MAGI1: variants seen among roughly 807,000 people sequenced by gnomAD.
MAGI1 encodes membrane-associated guanylate kinase, WW and PDZ domain-containing protein 1.
Under a neutral mutation model 139.9 loss-of-function variants are expected in MAGI1, and 58 were observed. That is an observed-to-expected ratio of 0.41 (90% CI 0.34 to 0.52). The LOEUF is 0.52. MAGI1 is among the 20% of genes least tolerant of loss of function. The pLI is 0.12. For synonymous variants in MAGI1, 812 were observed against 737.9 expected, an observed-to-expected ratio of 1.10 and a Z score of -1.63; for missense variants, 1,874 against 1,901.6, an observed-to-expected ratio of 0.99 and a Z score of 0.27.
At chr3:65,619,893 T>G in intron 2 of MAGI1, 2 of 985,260 alleles carry the variant, frequency 2.0e-6, no homozygotes, top group Non-Finnish European at 2.4e-6. Context: ...GCTTTCCAAA[T>G]TCCTGATTTA....
intron 12 of MAGI1, chr3:65,401,821 A>G: frequency 7.7e-7 from 1 of 1,295,336 alleles, no homozygotes; most frequent in Non-Finnish European, 9.9e-7. Flanking sequence ...CTTACAATTA[A>G]GTCCAGGTTA....
chr3:65,689,791 TTAAC>T (rs1272037881), intron 1 of MAGI1, among the ~76,000 whole-genome samples: 1 of 152,254 alleles, frequency 6.6e-6, no homozygotes, highest in Admixed American at 6.5e-5. Context: ...TAGCTGCAAC[TTAAC>T]TAACTAGAAG....
intron 1 of MAGI1, among the ~76,000 whole-genome samples, chr3:65,889,069 T>C (rs1290179270): frequency 6.6e-6 from 1 of 152,180 alleles, no homozygotes; most frequent in Non-Finnish European, 1.5e-5. Flanking sequence ...CATAGCAGTT[T>C]TCCAAAACCA....
intron 1 of MAGI1, among the ~76,000 whole-genome samples, chr3:65,817,192 G>A (rs1358676828): frequency 6.6e-6 from 1 of 152,094 alleles, no homozygotes; most frequent in Non-Finnish European, 1.5e-5. Context: ...TAATTCTGAA[G>A]ATGTGCATAT....
chr3:65,888,667 AT>A (rs879409773), intron 1 of MAGI1, among the ~76,000 whole-genome samples: 1 of 152,094 alleles, frequency 6.6e-6, no homozygotes, highest in Non-Finnish European at 1.5e-5. Flanking sequence ...AATCTTTAAG[AT>A]TTTTTTTAAA....
At chr3:65,440,033 T>C in intron 8 of MAGI1, 21 bp from the exon 9 acceptor site, 2 of 1,613,734 alleles carry the variant, frequency 1.2e-6, no homozygotes, top group South Asian at 1.1e-5. Context: ...TAGCAAATAG[T>C]ATTCAGCTTG....
intron 5 of MAGI1, chr3:65,469,856 G>A (rs1950440787): frequency 6.7e-6 from 1 of 148,248 alleles, no homozygotes; most frequent in South Asian, 2.1e-4. Flanking sequence ...AAACAATAAG[G>A]ACACTGTAGT....
At chr3:65,977,423 A>G (rs1159461205) in intron 1 of MAGI1, among the ~76,000 whole-genome samples, 2 of 152,028 alleles carry the variant, frequency 1.3e-5, no homozygotes, top group Non-Finnish European at 2.9e-5. Context: ...AATAAAATCA[A>G]AACTCGGCCG....
intron 1 of MAGI1, among the ~76,000 whole-genome samples, chr3:65,946,030 CTAATT>C (rs2063531246): frequency 6.6e-6 from 1 of 152,160 alleles, no homozygotes; most frequent in African/African-American, 2.4e-5. Flanking sequence ...TTCCTGCTCT[CTAATT>C]TATGTTTTAC....
At chr3:65,819,239 G>A (rs1161233187) in intron 1 of MAGI1, among the ~76,000 whole-genome samples, 8 of 152,120 alleles carry the variant, frequency 5.3e-5, no homozygotes, top group African/African-American at 9.7e-5. Flanking sequence ...AGCCAAGATC[G>A]TGCCACTGCA....
At chr3:65,784,335 T>C (rs372740486) in intron 1 of MAGI1, among the ~76,000 whole-genome samples, 5 of 152,080 alleles carry the variant, frequency 3.3e-5, no homozygotes, top group African/African-American at 1.2e-4. Flanking sequence ...ACACAGAAAC[T>C]AGTACGTGGA....
At chr3:65,374,421 G>T (rs760718184) in intron 18 of MAGI1, among the ~76,000 whole-genome samples, 2 of 147,174 alleles carry the variant, frequency 1.4e-5, no homozygotes, top group South Asian at 4.3e-4. Flanking sequence ...AGGCTCAAGC[G>T]ATTCTTCTGC....
chr3:66,014,345 CA>C (rs1285072929), intron 1 of MAGI1, among the ~76,000 whole-genome samples: 2 of 152,164 alleles, frequency 1.3e-5, no homozygotes, highest in African/African-American at 4.8e-5. Flanking sequence ...CCAACCAGGT[CA>C]GCAGTAGCTG....
At chr3:65,776,019 T>C (rs1212933374) in intron 1 of MAGI1, among the ~76,000 whole-genome samples, 1 of 152,042 alleles carries the variant, frequency 6.6e-6, no homozygotes, top group Non-Finnish European at 1.5e-5. Flanking sequence ...TAAACAAACA[T>C]TTTTGCCATA....
chr3:65,442,900 C>G, intron 7 of MAGI1, 51 bp from the exon 8 acceptor site: 1 of 1,448,728 alleles, frequency 6.9e-7, no homozygotes, highest in Non-Finnish European at 9.7e-7. Flanking sequence ...CTTGAAGAGC[C>G]TGGGTGTTTT....
intron 1 of MAGI1, among the ~76,000 whole-genome samples, chr3:65,715,823 T>C (rs545938726): frequency 6.6e-6 from 1 of 152,316 alleles, no homozygotes; most frequent in East Asian, 1.9e-4. Context: ...GCTGCTTAAG[T>C]AAAAAAGCAG....
rs570237528 is a variant in MAGI1 at position 66,035,819 on chromosome 3, G to A, written c.313+2177C>T. 3.9e-5 allele frequency among the ~76,000 whole-genome samples: 6 copies of A among 152,218 alleles called. No individual in the cohort carries two copies. The East Asian group carries it at 1.2e-3, about 29-fold the overall frequency. On this transcript the variant is annotated intron_variant, in intron 1 of 22. Transcript: ENST00000402939. The stretch of plus-strand genomic sequence containing the variant: ...ACTACAGTTTCCTTTCAACTCAGAG[G>A]TGTCTGTTTCCAAACCCACTTGATT...
At chr3:65,839,841 A>C (rs2108332640) in intron 1 of MAGI1, among the ~76,000 whole-genome samples, 1 of 152,308 alleles carries the variant, frequency 6.6e-6, no homozygotes, top group African/African-American at 2.4e-5. Context: ...TACTTGCAAA[A>C]CAAATATAGT....
chr3:65,433,221 A>C (rs1234210842), intron 10 of MAGI1, among the ~76,000 whole-genome samples: 1 of 152,184 alleles, frequency 6.6e-6, no homozygotes, highest in Non-Finnish European at 1.5e-5. Flanking sequence ...GATATTTATC[A>C]TGTCTTTGAG....
Sources: gnomAD v4.1 joint callset for allele counts (sites outside exome capture counted in the v4.1 genomes callset) on GRCh38, gnomAD v4.1.1 for gene constraint, MANE v1.5 for transcripts, NCBI Gene and HGNC (gene_info 2026-07-23, HGNC 2026-07-21) for gene names.